Variants in PAX5 observed in about 807,000 individuals in gnomAD.
The protein encoded by PAX5 is paired box protein Pax-5.
A neutral mutation model predicts 43.7 loss-of-function variants in PAX5; 9 were observed. The observed-to-expected ratio is 0.21, with a 90% CI of 0.12 to 0.36. The LOEUF is 0.36. PAX5 is among the 10% of genes least tolerant of loss of function. The probability of loss-of-function intolerance (pLI) is 1.00; values close to 1 mark genes in which losing one functional copy is unlikely to be tolerated. For synonymous variants in PAX5, 228 were observed against 214.3 expected, an observed-to-expected ratio of 1.06 and a Z score of -0.56; for missense variants, 383 against 532.7, an observed-to-expected ratio of 0.72 and a Z score of 2.77.
At chr9:37,001,674 C>T (rs967103923) in intron 5 of PAX5, among the ~76,000 whole-genome samples, 7 of 152,222 alleles carry the variant, frequency 4.6e-5, no homozygotes, top group African/African-American at 1.4e-4. Context: ...AGTTACAGAT[C>T]TTAAGTACTT....
chr9:36,972,321 G>A (rs142039699), intron 5 of PAX5, among the ~76,000 whole-genome samples: 28 of 152,270 alleles, frequency 1.8e-4, no homozygotes, highest in East Asian at 1.5e-3. Context: ...CAGCAGTCCC[G>A]GGTTCTAGCC....
In PAX5 at chr9:37,020,757, G is replaced by T. The variant is rs764109577; in HGVS notation, c.91C>A (p.Arg31=). The T allele has an allele frequency of 3.3e-5, 54 of 1,613,892 alleles. No homozygotes were observed. The highest frequency in any genetic ancestry group is 5.5e-5 in the South Asian group (5 of 91,064). ...NQLGGVFVNG[R]PLPDVVRQRI... The stretch of plus-strand genomic sequence containing the variant: ...TGGCGGACTACATCCGGGAGTGGCC[G>T]TCCATTCACAAAAACCCCCCCAAGC... Residue 31 remains arginine (R), a synonymous_variant, in exon 2 of 10, where the codon CGG becomes AGG. Transcript: ENST00000358127.
At chr9:36,869,925 T>G (rs1825295383) in intron 8 of PAX5, among the ~76,000 whole-genome samples, 1 of 144,544 alleles carries the variant, frequency 6.9e-6, no homozygotes, top group Non-Finnish European at 1.5e-5. Flanking sequence ...GATGGATGGA[T>G]GGATGGATGG....
intron 6 of PAX5, among the ~76,000 whole-genome samples, chr9:36,951,209 TTGTCCTTTCATG>T (rs1832980588): frequency 6.6e-6 from 1 of 152,118 alleles, no homozygotes. Flanking sequence ...TCTCTAATTG[TTGTCCTTTCATG>T]TGTCTATTCT....
At chr9:36,876,947 A>C (rs547999790) in intron 8 of PAX5, among the ~76,000 whole-genome samples, 1 of 152,356 alleles carries the variant, frequency 6.6e-6, no homozygotes, top group East Asian at 1.9e-4. Flanking sequence ...CCACTTTTTC[A>C]GGCTCTGCAG....
chr9:36,989,556 T>G (rs1035421706), intron 5 of PAX5, among the ~76,000 whole-genome samples: 1 of 152,192 alleles, frequency 6.6e-6, no homozygotes, highest in Admixed American at 6.5e-5. Context: ...TCCTCTTTGG[T>G]GCTGTGATCT....
intron 8 of PAX5, among the ~76,000 whole-genome samples, chr9:36,861,771 G>A (rs986138762): frequency 3.3e-5 from 5 of 151,798 alleles, no homozygotes; most frequent in African/African-American, 9.7e-5. Flanking sequence ...AGTGGGGAGT[G>A]GGAGATAGGT....
chr9:36,915,334 G>A (rs1003444714), intron 7 of PAX5, among the ~76,000 whole-genome samples: 1 of 152,196 alleles, frequency 6.6e-6, no homozygotes, highest in African/African-American at 2.4e-5. Flanking sequence ...TTATAACAGT[G>A]TGTGAAAAGA....
chr9:36,911,699 A>G (rs1182577078), intron 7 of PAX5, among the ~76,000 whole-genome samples: 2 of 152,274 alleles, frequency 1.3e-5, no homozygotes, highest in Admixed American at 1.3e-4. Flanking sequence ...AAAAAGGCTC[A>G]TAAAAATGGG....
intron 3 of PAX5, among the ~76,000 whole-genome samples, chr9:37,014,362 C>G (rs1442832169): frequency 6.6e-6 from 1 of 152,154 alleles, no homozygotes; most frequent in African/African-American, 2.4e-5. Context: ...AGGGCAACTC[C>G]TTTGCTCCAG....
rs1405250401 is a variant in PAX5, at chr9:37,020,828, A to G, written c.47-27T>C. On this transcript the variant is annotated intron_variant, in intron 1 of 9. Coordinates refer to ENST00000358127, the MANE Select transcript of PAX5 (RefSeq NM_016734.3). ...TGAAACAGATCAGAAACAAAAGGAAAGGGAAAGGGTAGTTAGAACCAGTCA... is the reference window on the plus strand; with the variant it reads ...TGAAACAGATCAGAAACAAAAGGAAGGGGAAAGGGTAGTTAGAACCAGTCA... The G allele has an allele frequency of 1.9e-6, 3 of 1,612,414 alleles. No homozygotes were observed. The African/African-American group carries it at 4.0e-5, about 22-fold the overall frequency.
chr9:36,936,424 C>T (rs1209982048), intron 6 of PAX5, among the ~76,000 whole-genome samples: 4 of 152,196 alleles, frequency 2.6e-5, no homozygotes, highest in African/African-American at 9.7e-5. Context: ...GGCCAAGTTC[C>T]ACAGGCTTCT....
chr9:36,905,308 C>T (rs576564761), intron 7 of PAX5, among the ~76,000 whole-genome samples: 1 of 152,376 alleles, frequency 6.6e-6, no homozygotes, highest in South Asian at 2.1e-4. Context: ...GGGCCATTGT[C>T]ACACACTTTC....
At chr9:36,923,165 C>T in intron 7 of PAX5, 190 bp downstream of exon 7, 1 of 598,474 alleles carries the variant, frequency 1.7e-6, no homozygotes, top group Non-Finnish European at 2.8e-6. Flanking sequence ...TTGTTGGAAT[C>T]ATATCCAGCC....
At chr9:37,026,327 C>T (rs1840362559) in intron 1 of PAX5, among the ~76,000 whole-genome samples, 1 of 152,266 alleles carries the variant, frequency 6.6e-6, no homozygotes, top group African/African-American at 2.4e-5. Flanking sequence ...TACGCGTTGC[C>T]GGAGGCGGGA....
At chr9:37,019,402 C>G (rs1839673621) in intron 2 of PAX5, among the ~76,000 whole-genome samples, 1 of 152,166 alleles carries the variant, frequency 6.6e-6, no homozygotes, top group Admixed American at 6.5e-5. Flanking sequence ...CTCAGGTAAC[C>G]TGCACTGGGC....
chr9:36,878,849 G>A (rs769775724), intron 8 of PAX5, among the ~76,000 whole-genome samples: 5 of 152,230 alleles, frequency 3.3e-5, no homozygotes, highest in Non-Finnish European at 7.3e-5. Context: ...AGGGCTGTGC[G>A]GCTGAGCTTG....
intron 6 of PAX5, among the ~76,000 whole-genome samples, chr9:36,940,307 A>G (rs980143126): frequency 6.6e-6 from 1 of 152,214 alleles, no homozygotes; most frequent in Non-Finnish European, 1.5e-5. Flanking sequence ...AGGACATTCA[A>G]TGTCATTTAC....
intron 2 of PAX5, among the ~76,000 whole-genome samples, chr9:37,016,900 G>C (rs948281369): frequency 6.6e-6 from 1 of 152,240 alleles, no homozygotes; most frequent in Non-Finnish European, 1.5e-5. Flanking sequence ...TTTGGAAGCA[G>C]TGATGTGAAA....
Sources: gnomAD v4.1 joint callset for allele counts (sites outside exome capture counted in the v4.1 genomes callset) on GRCh38, gnomAD v4.1.1 for gene constraint, MANE v1.5 for transcripts, NCBI Gene and HGNC (gene_info 2026-07-23, HGNC 2026-07-21) for gene names.